Variants in RBM17 observed in about 807,000 individuals in gnomAD.
The protein encoded by RBM17 is RNA binding motif protein 17.
In RBM17, 7 loss-of-function variants were observed where a neutral mutation model predicts 53.2. That is an observed-to-expected ratio of 0.13 (90% CI 0.07 to 0.25). The LOEUF (loss-of-function observed/expected upper bound fraction) is 0.25, where lower values mean the gene tolerates loss of function less well. Ranked by LOEUF, RBM17 falls within the 10% of genes least tolerant of loss-of-function variation. The pLI, the probability that RBM17 is intolerant of heterozygous loss-of-function variation, is 1.00. For missense variants in RBM17, 257 were observed against 496.7 expected (o/e 0.52, Z 4.59); for synonymous variants, 167 against 178.1 (o/e 0.94, Z 0.50).
Position 6,109,980 on chromosome 10 carries a change from C to T in RBM17, c.563-6C>T. 1 of 1,597,704 alleles carries T rather than the reference C, an allele frequency of 6.3e-7. No homozygotes were observed. Among genetic ancestry groups the T allele is most frequent in the Non-Finnish European group, 8.5e-7 (1 of 1,172,066 alleles). ...TTGGTGAGCCTACTTTATTTTTCTC[C>T]AATAGTACCCCGAGATTTTCCTTAT... On this transcript the variant is annotated splice_polypyrimidine_tract_variant and splice_region_variant and intron_variant, in intron 6 of 11. Transcript: ENST00000379888.
intron 3 of RBM17, among the ~76,000 whole-genome samples, chr10:6,103,856 C>T (rs556785343): frequency 3.9e-5 from 6 of 152,122 alleles, no homozygotes; most frequent in South Asian, 2.1e-4. Flanking sequence ...GCAGGAAACA[C>T]GTTTACAAAC....
chr10:6,110,173 A>G (rs1840815847), intron 7 of RBM17, 46 bp downstream of exon 7: 1 of 1,536,494 alleles, frequency 6.5e-7, no homozygotes, highest in Non-Finnish European at 8.8e-7. Context: ...GACAGTGTGA[A>G]GCGTTGATAG....
chr10:6,093,048 G>A (rs1840511830), intron 1 of RBM17, among the ~76,000 whole-genome samples: 1 of 152,252 alleles, frequency 6.6e-6, no homozygotes, highest in African/African-American at 2.4e-5. Flanking sequence ...ATTGATGGAA[G>A]AACTGTTGGC....
chr10:6,111,815 A>T (rs753488413), intron 7 of RBM17, among the ~76,000 whole-genome samples: 11 of 152,256 alleles, frequency 7.2e-5, no homozygotes, highest in Non-Finnish European at 1.3e-4. Context: ...GGAAAATGGG[A>T]TCATCTTCAT....
At chr10:6,095,227 T>C (rs1840555042) in intron 1 of RBM17, among the ~76,000 whole-genome samples, 1 of 152,110 alleles carries the variant, frequency 6.6e-6, no homozygotes, top group South Asian at 2.1e-4. Context: ...CTTTTCTTTT[T>C]TTTTTGGCGG....
At chr10:6,095,595 C>T (rs553185605) in intron 1 of RBM17, among the ~76,000 whole-genome samples, 117 of 152,254 alleles carry the variant, frequency 7.7e-4, no homozygotes, top group African/African-American at 2.7e-3. Flanking sequence ...TTCTCTACGG[C>T]CTTGCGGGGA....
In RBM17 at chr10:6,117,252, C is replaced by T. The variant is rs41295373; in HGVS notation, c.*1696C>T. 0.035 allele frequency: 5,384 copies of T among 152,252 alleles called. 224 individuals are homozygous for T. The highest frequency in any genetic ancestry group is 0.11 in the Admixed American group (1,729 of 15,272). 9.4% of individuals were successfully genotyped at this position (152,252 alleles called of 1,614,324 possible). On this transcript the variant is annotated 3_prime_UTR_variant, in exon 12 of 12. Coordinates refer to ENST00000379888, the MANE Select transcript of RBM17 (RefSeq NM_032905.5). ...GGACAGCTTGGTGTGTGCCTTTCTC[C>T]CCAGTCTTTTATTTTTAAAATAACT...
chr10:6,089,808 A>G lies in RBM17; in HGVS notation c.-19+615A>G, dbSNP rs1023582595. 6 of 152,404 alleles carry G rather than the reference A, an allele frequency of 3.9e-5. No individual in the cohort carries two copies. Among genetic ancestry groups the G allele is most frequent in the African/African-American group, 1.4e-4 (6 of 41,530 alleles). The allele number at this position is 152,404 out of a possible 1,614,324, so 9.4% of individuals were successfully genotyped here. On this transcript the variant is annotated intron_variant, in intron 1 of 11. Coordinates refer to ENST00000379888, the MANE Select transcript of RBM17 (RefSeq NM_032905.5). This position sits in a 1 kb window ranked among gnomAD's most constrained non-coding sequence, Gnocchi z 5.6. ...CCTCTTGCCCCGAGAATGTGTAATG[A>G]TCGGAGAATGCAGGTGGAATGAGGT...
intron 1 of RBM17, among the ~76,000 whole-genome samples, chr10:6,094,448 C>T (rs73605967): frequency 0.034 from 5,190 of 152,244 alleles, 281 homozygotes; most frequent in African/African-American, 0.12. Context: ...CCCAGAAAGT[C>T]GCATTGTTTA....
intron 6 of RBM17, among the ~76,000 whole-genome samples, chr10:6,109,575 C>T (rs72777814): frequency 0.022 from 3,399 of 152,260 alleles, 49 homozygotes; most frequent in Non-Finnish European, 0.032. Context: ...CCTTTGTGGG[C>T]CATGAGCTGA....
intron 1 of RBM17, among the ~76,000 whole-genome samples, chr10:6,095,044 A>G (rs1433016650): frequency 6.6e-6 from 1 of 152,154 alleles, no homozygotes; most frequent in Non-Finnish European, 1.5e-5. Flanking sequence ...GGACATGGTT[A>G]TATTTCATCC....
chr10:6,112,448 G>C lies in RBM17; in HGVS notation c.856+87G>C, dbSNP rs1473257869. The stretch of plus-strand genomic sequence containing the variant: ...GGCCAGTCTTGATCCTCATGTGTCA[G>C]CAGGGGGACAATGAGGCGTGTGGCC... On this transcript the variant is annotated intron_variant, in intron 8 of 11. Transcript: ENST00000379888. The surrounding 1 kb of genome is among the most constrained non-coding windows in gnomAD (Gnocchi z 4.4). 6.7e-7 allele frequency: 1 copy of C among 1,500,504 alleles called. No homozygotes were observed. The highest frequency in any genetic ancestry group is 2.3e-5 in the East Asian group (1 of 42,692). The allele number at this position is 1,500,504 out of a possible 1,614,324, so 92.9% of individuals were successfully genotyped here. A position where few individuals can be genotyped will look rare whatever the true frequency, so the allele number is the denominator to read the frequency against.
Position 6,107,925 on chromosome 10 carries a change from A to C in RBM17, c.506-761A>C, listed in dbSNP as rs147175722. On this transcript the variant is annotated intron_variant, in intron 5 of 11. Transcript: ENST00000379888. ...ATGTAATATTATGTATACGTAATCC[A>C]TATATGTTAGGACTTATGCCTAATG... Among the ~76,000 whole-genome samples, 472 of 152,272 alleles carry C rather than the reference A, an allele frequency of 3.1e-3. 5 individuals carry two copies. The highest frequency in any genetic ancestry group is 0.011 in the African/African-American group (453 of 41,546).
At chr10:6,106,609 G>T (rs1234529048) in intron 5 of RBM17, among the ~76,000 whole-genome samples, 2 of 152,170 alleles carry the variant, frequency 1.3e-5, no homozygotes, top group Non-Finnish European at 2.9e-5. Flanking sequence ...TGGGCATTGT[G>T]ACACATTTCA....
In RBM17 at chr10:6,097,958, C is replaced by A. The variant is rs368997375; in HGVS notation, c.123+770C>A. Among the ~76,000 whole-genome samples the A allele has an allele frequency of 4.6e-5, 7 of 152,158 alleles. No individual in the cohort carries two copies. In the East Asian group the frequency reaches 1.2e-3, roughly 25 times the overall value. ...TGCTGCGTGCAACTTATTGAGGGCT[C>A]AGGTTGATTGTGAAGGCGTCAGGCA... On this transcript the variant is annotated intron_variant, in intron 2 of 11. Transcript: ENST00000379888.
At chr10:6,100,784 C>T (rs1210962281) in intron 2 of RBM17, among the ~76,000 whole-genome samples, 1 of 152,154 alleles carries the variant, frequency 6.6e-6, no homozygotes, top group Non-Finnish European at 1.5e-5. Flanking sequence ...AGTAATCTGA[C>T]AGGAGAATGT....
intron 2 of RBM17, among the ~76,000 whole-genome samples, chr10:6,098,085 G>A (rs1484791390): frequency 2.0e-5 from 3 of 152,044 alleles, no homozygotes; most frequent in East Asian, 3.9e-4. Context: ...CCTAGTTGTC[G>A]ACTGGATATT....
At chr10:6,097,721 A>G (rs1840597210) in intron 2 of RBM17, among the ~76,000 whole-genome samples, 1 of 152,252 alleles carries the variant, frequency 6.6e-6, no homozygotes, top group Non-Finnish European at 1.5e-5. Context: ...ACCAGCAGTG[A>G]CACTGCTTTT....
intron 5 of RBM17, among the ~76,000 whole-genome samples, chr10:6,107,404 C>T (rs1451578467): frequency 6.6e-6 from 1 of 150,752 alleles, no homozygotes; most frequent in African/African-American, 2.4e-5. Flanking sequence ...TCTCAAACTC[C>T]TGACGTCAAG....
Sources: gnomAD v4.1 joint callset for allele counts (sites outside exome capture counted in the v4.1 genomes callset) on GRCh38, gnomAD v4.1.1 for gene constraint, Gnocchi (gnomAD v3.1) non-coding constraint, MANE v1.5 for transcripts, NCBI Gene and HGNC (gene_info 2026-07-23, HGNC 2026-07-21) for gene names.